The following SLC29A2 variants were observed in gnomAD, a reference collection of about 807,000 sequenced individuals.
SLC29A2 encodes solute carrier family 29 member 2, also known as equilibrative nucleoside transporter 2.
Under a neutral mutation model 48.8 loss-of-function variants are expected in SLC29A2, and 37 were observed. The ratio of observed to expected loss-of-function variants is 0.76; its 90% CI spans 0.58 to 1.00. The LOEUF (loss-of-function observed/expected upper bound fraction) is 1.00. SLC29A2 is among the 50% of genes least tolerant of loss of function. SLC29A2 has a pLI of 0.00. For missense variants in SLC29A2, 533 were observed against 578.6 expected, an observed-to-expected ratio of 0.92 and a Z score of 0.81; for synonymous variants, 233 against 261.7, an observed-to-expected ratio of 0.89 and a Z score of 1.06.
chr11:66,365,886 T>C (rs1855657511), intron 10 of SLC29A2, 50 bp downstream of exon 10: 1 of 1,556,846 alleles, frequency 6.4e-7, no homozygotes, highest in Non-Finnish European at 8.9e-7. Context: ...AGCCCTCGGA[T>C]CCCAAACTGC....
At chr11:66,368,777 A>G in intron 4 of SLC29A2, 106 bp from the exon 5 acceptor site, 1 of 1,450,356 alleles carries the variant, frequency 6.9e-7, no homozygotes, top group Non-Finnish European at 9.5e-7. Flanking sequence ...AAGGTTGCGC[A>G]GGTGTGAGCT....
Position 66,366,292 on chromosome 11 carries a change from C to T in SLC29A2, c.868-61G>A, listed in dbSNP as rs1053067468. 15 of 1,600,492 alleles carry T rather than the reference C, an allele frequency of 9.4e-6. No homozygotes were observed. In the African/African-American group the frequency reaches 1.9e-4, roughly 20 times the overall value. ...CAGTCCCAGGGCCCCACCCTCTTGC[C>T]CAAGCCCCATGTGGGAGCAGGACAC... On this transcript the variant is annotated intron_variant, in intron 8 of 11. Coordinates refer to ENST00000357440, the MANE Select transcript of SLC29A2 (RefSeq NM_001532.3).
intron 5 of SLC29A2, 94 bp downstream of exon 5, chr11:66,368,443 C>T: frequency 2.6e-6 from 4 of 1,535,306 alleles, no homozygotes; most frequent in Non-Finnish European, 3.6e-6. Flanking sequence ...CCTCCATCTT[C>T]ACCCAGAACC....
At chr11:66,369,307 A>C in intron 3 of SLC29A2, 62 bp downstream of exon 3, 2 of 1,567,752 alleles carry the variant, frequency 1.3e-6, no homozygotes, top group Non-Finnish European at 1.7e-6. Context: ...CAGGGGGCGC[A>C]GGGGAGGGCC....
chr11:66,366,574 G>C lies in SLC29A2; in HGVS notation c.734-10C>G. The C allele has an allele frequency of 6.2e-7, 1 of 1,612,716 alleles. No individual in the cohort carries two copies. The highest frequency in any genetic ancestry group is 8.5e-7 in the Non-Finnish European group (1 of 1,179,668). On this transcript the variant is annotated splice_polypyrimidine_tract_variant and intron_variant, in intron 7 of 11. Transcript: ENST00000357440. Reference sequence around the variant, plus strand: ...GGAATCCCGTTCTCATCTGGGGTGAGGGGGGACGGGGAAGGGTCATGCTTG... The same window carrying C: ...GGAATCCCGTTCTCATCTGGGGTGACGGGGGACGGGGAAGGGTCATGCTTG...
At chr11:66,368,027 C>A (rs761468150) in intron 5 of SLC29A2, among the ~76,000 whole-genome samples, 158 bp from the exon 6 acceptor site, 11 of 152,204 alleles carry the variant, frequency 7.2e-5, no homozygotes, top group Admixed American at 3.9e-4. Context: ...TTGTACAGGG[C>A]CCCAGAGCAG....
chr11:66,368,299 G>A (rs1315430763), intron 5 of SLC29A2, among the ~76,000 whole-genome samples: 1 of 152,238 alleles, frequency 6.6e-6, no homozygotes. Flanking sequence ...CCACATGCCA[G>A]TATTAGCCCC....
At chr11:66,364,597 T>C (rs1372833936) in intron 10 of SLC29A2, 173 bp from the exon 11 acceptor site, 3 of 579,928 alleles carry the variant, frequency 5.2e-6, no homozygotes, top group Non-Finnish European at 9.1e-6. Context: ...CTCCACCTCC[T>C]GGGTTCAAGA....
In SLC29A2 at chr11:66,368,506, C is replaced by A. The variant is rs781349224; in HGVS notation, c.550+31G>T. The A allele has an allele frequency of 6.2e-7, 1 of 1,612,968 alleles. No homozygotes were observed. Among genetic ancestry groups the A allele is most frequent in the African/African-American group, 1.3e-5 (1 of 74,920 alleles). On this transcript the variant is annotated intron_variant, in intron 5 of 11. Coordinates refer to ENST00000357440, the MANE Select transcript of SLC29A2 (RefSeq NM_001532.3). ...CTCTTCCCCAAACCTCAGAGGCCAC[C>A]CCAGCCCTCCAGCCACCCAAGTGCA...
Position 66,365,995 on chromosome 11 carries a change from A to T in SLC29A2, c.1000T>A (p.Phe334Ile). ...CAGTCCATGATGTTGAAGAGGAGGA[A>T]GCAGCAGATGGGGTTGAAGAACTGA... ...WSQFFNPICC[F>I]LLFNIMDWLG... is the part of the protein sequence containing the mutation. The change falls in exon 10 of 12, where the codon TTC becomes ATC. Residue 334 changes from phenylalanine to isoleucine, a missense_variant. By Grantham distance (21) the Phe-to-Ile change is conservative (BLOSUM62 0). Coordinates refer to ENST00000357440, the MANE Select transcript of SLC29A2 (RefSeq NM_001532.3). The T allele has an allele frequency of 6.2e-7, 1 of 1,614,220 alleles. No homozygotes were observed.
At chr11:66,370,619 A>G (rs1052798825) in intron 2 of SLC29A2, among the ~76,000 whole-genome samples, 2 of 152,168 alleles carry the variant, frequency 1.3e-5, no homozygotes, top group African/African-American at 4.8e-5. Context: ...GCACTTTGGG[A>G]GGCCGAGGCG....
rs183221431 is a variant in SLC29A2 at position 66,363,247 on chromosome 11, G to A, written c.*189C>T. On this transcript the variant is annotated 3_prime_UTR_variant, in exon 12 of 12. Coordinates refer to ENST00000357440, the MANE Select transcript of SLC29A2 (RefSeq NM_001532.3). ...TTCCTGGGTGAGGGTTAGAATGACC[G>A]GTGGTGATTTCTTCCCCACAGCACT... 9.1e-4 allele frequency: 596 copies of A among 652,578 alleles called. 4 individuals carry two copies. The highest frequency in any genetic ancestry group is 4.6e-3 in the Admixed American group (199 of 43,066). 40.4% of individuals were successfully genotyped at this position (652,578 alleles called of 1,614,324 possible). A position where few individuals can be genotyped will look rare whatever the true frequency, so the allele number is the denominator to read the frequency against.
upstream of SLC29A2, chr11:66,372,341 C>A (rs928583188): frequency 6.6e-6 from 1 of 152,240 alleles, no homozygotes. Flanking sequence ...GACTATAAAT[C>A]ATTAATTTGC....
intron 10 of SLC29A2, among the ~76,000 whole-genome samples, chr11:66,365,156 C>T (rs1218090111): frequency 7.2e-5 from 11 of 152,118 alleles, no homozygotes; most frequent in Admixed American, 3.9e-4. Context: ...CCACCCGCCT[C>T]GGCCTCCCAG....
At chr11:66,369,797 T>C (rs1226355957) in intron 2 of SLC29A2, among the ~76,000 whole-genome samples, 1 of 152,182 alleles carries the variant, frequency 6.6e-6, no homozygotes, top group African/African-American at 2.4e-5. Context: ...GTGCCCTGGT[T>C]CCAGCCCCCA....
upstream of SLC29A2, chr11:66,371,881 A>C: frequency 2.0e-6 from 1 of 493,978 alleles, no homozygotes; most frequent in Non-Finnish European, 3.6e-6. Flanking sequence ...CGCCCCACCT[A>C]GGGGCCTGCG....
At chr11:66,368,434 C>A (rs1220856960) in intron 5 of SLC29A2, 103 bp downstream of exon 5, 14 of 1,487,244 alleles carry the variant, frequency 9.4e-6, no homozygotes, top group African/African-American at 1.4e-5. Flanking sequence ...ACCTGCTTAC[C>A]TCCATCTTCA....
rs190146502 is a variant in SLC29A2 at position 66,366,413 on chromosome 11, G to T, written c.867+18C>A. 1.3e-5 allele frequency: 21 copies of T among 1,614,156 alleles called. No homozygotes were observed. The African/African-American group carries it at 2.1e-4, about 16-fold the overall frequency. ...TCTTCCCCAAAGATGGTGGTTGGGG[G>T]CTGTATCCAAGCCAAACCTTCTGGA... is the stretch of plus-strand genomic sequence containing the variant. On this transcript the variant is annotated intron_variant, in intron 8 of 11. Transcript: ENST00000357440.
rs536127199 is a variant in SLC29A2 at position 66,364,173 on chromosome 11, CTG to C, written c.1259+50_1259+51del. 1.1e-4 allele frequency: 153 copies of C among 1,449,628 alleles called. 2 individuals carry two copies. The South Asian group carries it at 1.7e-3, about 16-fold the overall frequency. 89.8% of individuals were successfully genotyped at this position (1,449,628 alleles called of 1,614,324 possible). ...ATTGCAGGCGGTCCCTTCCCAAAGA[CTG>C]AACCCACCTCCCTACTCCCAGCCCC... is the stretch of plus-strand genomic sequence containing the variant. On this transcript the variant is annotated intron_variant, in intron 11 of 11. Transcript: ENST00000357440.
Sources: allele counts gnomAD v4.1 joint callset (sites outside exome capture counted in the v4.1 genomes callset), GRCh38; gene constraint gnomAD v4.1.1; transcripts MANE v1.5; gene names NCBI Gene and HGNC (gene_info 2026-07-23, HGNC 2026-07-21).